The following ZNF276 variants were observed in gnomAD, a reference collection of about 807,000 sequenced individuals.
The protein encoded by ZNF276 is centromere protein Z.
A neutral mutation model predicts 63.9 loss-of-function variants in ZNF276; 59 were observed. The ratio of observed to expected loss-of-function variants is 0.92; its 90% CI spans 0.75 to 1.15. ZNF276 has a LOEUF of 1.15. Among genes scored for constraint, ZNF276 ranks in the 50% most tolerant of loss-of-function variants. The pLI is 0.00. For missense variants in ZNF276, 1,084 were observed against 843.8 expected (o/e 1.28, Z -3.53); for synonymous variants, 496 against 348.4 (o/e 1.42, Z -4.72).
At chr16:89,724,120 G>A (rs2151664605) in intron 4 of ZNF276, among the ~76,000 whole-genome samples, 1 of 152,372 alleles carries the variant, frequency 6.6e-6, no homozygotes, top group Non-Finnish European at 1.5e-5. Flanking sequence ...CTGGCACTCA[G>A]CCAGCCGCCT....
intron 1 of ZNF276, among the ~76,000 whole-genome samples, 170 bp from the exon 2 acceptor site, chr16:89,722,361 C>T (rs946263462): frequency 6.6e-6 from 1 of 152,244 alleles, no homozygotes; most frequent in Non-Finnish European, 1.5e-5. Flanking sequence ...GCGGCCACAT[C>T]CCCCACAGGG....
intron 5 of ZNF276, among the ~76,000 whole-genome samples, chr16:89,727,665 G>C (rs2061509607): frequency 6.6e-6 from 1 of 152,200 alleles, no homozygotes. Context: ...TCCCAGACCT[G>C]AGGCAGCTCC....
chr16:89,724,204 G>A (rs907209317), intron 4 of ZNF276, among the ~76,000 whole-genome samples: 2 of 152,238 alleles, frequency 1.3e-5, no homozygotes, highest in Non-Finnish European at 2.9e-5. Context: ...CAAGGCCCTT[G>A]TTTGGGCCCC....
At chr16:89,736,851 G>GCTGAGAT (rs1318044824) in intron 9 of ZNF276, among the ~76,000 whole-genome samples, 6 of 148,056 alleles carry the variant, frequency 4.1e-5, no homozygotes, top group African/African-American at 1.5e-4. Flanking sequence ...TTTCCAGTGA[G>GCTGAGAT]CTGAGATTGG....
At chr16:89,737,421 TGAGGCACAAGAATCGCTTGAGCCTGG>T in intron 9 of ZNF276, 1 of 246,518 alleles carries the variant, frequency 4.1e-6, no homozygotes, top group South Asian at 8.1e-5. Context: ...CTTGGCAGGC[TGAGGCACAAGAATCGCTTGAGCCTGG>T]GAGGCGCAGG....
chr16:89,720,643 C>T, upstream of ZNF276: 1 of 1,230,208 alleles, frequency 8.1e-7, no homozygotes, highest in Non-Finnish European at 1.0e-6. Flanking sequence ...GGCCCGGGAT[C>T]CCGGCTGGCG....
rs764817067 is a variant in ZNF276 at position 89,738,256 on chromosome 16, T to C, written c.*10T>C. ...GCCCGAACCCACCTGAGGACGGCAG[T>C]GAGGATGAGCACCTCTAGCAGCCTG... On this transcript the variant is annotated 3_prime_UTR_variant, in exon 11 of 11. Transcript: ENST00000443381. The C allele has an allele frequency of 6.3e-7, 1 of 1,589,818 alleles. No individual in the cohort carries two copies. Among genetic ancestry groups the C allele is most frequent in the Non-Finnish European group, 8.6e-7 (1 of 1,169,058 alleles).
rs1344997840 is a variant in ZNF276 at position 89,740,501 on chromosome 16, A to G, written c.*2255A>G. On this transcript the variant is annotated 3_prime_UTR_variant, in exon 11 of 11. Coordinates refer to ENST00000443381, the MANE Select transcript of ZNF276 (RefSeq NM_001113525.2). ...AATACAAAAATTAGCCGGGTGTGACAGACTCACGCCTGTAATCCCAGCTAC... is the reference window on the plus strand; with the variant it reads ...AATACAAAAATTAGCCGGGTGTGACGGACTCACGCCTGTAATCCCAGCTAC... The G allele has an allele frequency of 6.2e-6, 3 of 482,608 alleles. No individual in the cohort carries two copies. Among genetic ancestry groups the G allele is most frequent in the African/African-American group, 3.9e-5 (2 of 51,478 alleles). The allele number at this position is 482,608 out of a possible 1,614,324, so 29.9% of individuals were successfully genotyped here.
At chr16:89,729,374 G>T in intron 6 of ZNF276, 56 bp downstream of exon 6, 1 of 1,496,754 alleles carries the variant, frequency 6.7e-7, no homozygotes, top group Non-Finnish European at 9.3e-7. Flanking sequence ...CTAGACACCC[G>T]CCTGTGCTCC....
rs1470874060 is a variant in ZNF276, at chr16:89,740,249, C to A, written c.*2003C>A. 5.9e-5 allele frequency: 43 copies of A among 732,776 alleles called. No individual in the cohort carries two copies. The highest frequency in any genetic ancestry group is 9.3e-5 in the Non-Finnish European group (38 of 408,852). The allele number at this position is 732,776 out of a possible 1,614,324, so 45.4% of individuals were successfully genotyped here. A position where few individuals can be genotyped will look rare whatever the true frequency, so the allele number is the denominator to read the frequency against. On this transcript the variant is annotated 3_prime_UTR_variant, in exon 11 of 11. Transcript: ENST00000443381. ...ACAGTTTTACCTATAGAAGGTAATACTGGGCCTCTGGACAGAAGAGGCTCA... is the reference window on the plus strand; with the variant it reads ...ACAGTTTTACCTATAGAAGGTAATAATGGGCCTCTGGACAGAAGAGGCTCA...
At chr16:89,721,467 G>T (rs2061267838), upstream of ZNF276, 5 of 547,588 alleles carry the variant, frequency 9.1e-6, no homozygotes, top group African/African-American at 4.0e-5. Context: ...ACCTCGGCCG[G>T]CGGGGTCCCG....
chr16:89,740,132 G>A lies in ZNF276; in HGVS notation c.*1886G>A, dbSNP rs1172083028. 2 of 1,567,594 alleles carry A rather than the reference G, an allele frequency of 1.3e-6. No homozygotes were observed. Among genetic ancestry groups the A allele is most frequent in the East Asian group, 2.2e-5 (1 of 44,622 alleles). On this transcript the variant is annotated 3_prime_UTR_variant, in exon 11 of 11. Transcript: ENST00000443381. ...CCGCAGGAGACCAACCCTGAGAATGGCCGACCTGGTGCTCCCATGGGTAGG... is the reference window on the plus strand; with the variant it reads ...CCGCAGGAGACCAACCCTGAGAATGACCGACCTGGTGCTCCCATGGGTAGG...
At chr16:89,728,000 T>C (rs574100508) in intron 5 of ZNF276, among the ~76,000 whole-genome samples, 6 of 152,254 alleles carry the variant, frequency 3.9e-5, no homozygotes, top group South Asian at 4.1e-4. Context: ...TTGCACCGTT[T>C]CCACCCTCTC....
chr16:89,733,825 T>A (rs1274589878), intron 8 of ZNF276, 96 bp from the exon 9 acceptor site: 14 of 1,168,498 alleles, frequency 1.2e-5, no homozygotes, highest in Admixed American at 3.7e-5. Flanking sequence ...AGGAGTTGGA[T>A]CTGCCTTCCA....
chr16:89,722,806 C>A lies in ZNF276; in HGVS notation c.481C>A (p.Pro161Thr). The stretch of plus-strand genomic sequence containing the variant: ...CTTCCTGCAGAGGGTCAACGCCTCC[C>A]CGGCTGGTCGCCGGAAGCCTTGTGC... ...KSFLQRVNAS[P>T]AGRRKPCAKV... The change falls in exon 2 of 11, where the codon CCG becomes ACG. Residue 161 changes from proline (P) to threonine (T), a missense_variant. Physicochemically the swap from Pro to Thr is conservative, Grantham distance 38. Coordinates refer to ENST00000443381, the MANE Select transcript of ZNF276 (RefSeq NM_001113525.2). The A allele has an allele frequency of 6.2e-7, 1 of 1,605,306 alleles. No individual in the cohort carries two copies. The highest frequency in any genetic ancestry group is 8.5e-7 in the Non-Finnish European group (1 of 1,179,910).
chr16:89,737,593 A>T (rs1459601600), intron 9 of ZNF276: 11 of 839,224 alleles, frequency 1.3e-5, no homozygotes, highest in Admixed American at 3.1e-5. Flanking sequence ...CCATCCTGAA[A>T]TGCACACAGC....
At chr16:89,737,668 C>T (rs2061983882) in intron 9 of ZNF276, 138 bp from the exon 10 acceptor site, 5 of 1,502,956 alleles carry the variant, frequency 3.3e-6, no homozygotes, top group Non-Finnish European at 3.6e-6. Context: ...CCCTCATAGG[C>T]CCCTTGCTTG....
chr16:89,730,133 A>G (rs1034821203), intron 6 of ZNF276, among the ~76,000 whole-genome samples: 14 of 152,210 alleles, frequency 9.2e-5, no homozygotes, highest in Non-Finnish European at 2.1e-4. Flanking sequence ...AAGTTCTGAA[A>G]AGAGAAACGG....
At position 89,729,274 on chromosome 16, in the gene ZNF276, T is replaced by C; in HGVS notation, c.1125T>C (p.Asn375=). Residue 375 remains asparagine (N), a synonymous_variant, in exon 6 of 11, where the codon AAT becomes AAC. Coordinates refer to ENST00000443381, the MANE Select transcript of ZNF276 (RefSeq NM_001113525.2). Reference sequence around the variant, plus strand: ...AAGATGAAAATGACAAGAAGCAAAATGCCCAGTCTTCGGACGAGTCCTTTG... The same window carrying C: ...AAGATGAAAATGACAAGAAGCAAAACGCCCAGTCTTCGGACGAGTCCTTTG... The part of the protein sequence containing the change: ...LSEDENDKKQ[N]AQSSDESFEP... 1 of 1,614,124 alleles carries C rather than the reference T, an allele frequency of 6.2e-7. No individual in the cohort carries two copies. Among genetic ancestry groups the C allele is most frequent in the Non-Finnish European group, 8.5e-7 (1 of 1,180,018 alleles).
Sources: gnomAD v4.1 joint callset for allele counts (sites outside exome capture counted in the v4.1 genomes callset) on GRCh38, gnomAD v4.1.1 for gene constraint, MANE v1.5 for transcripts, NCBI Gene and HGNC (gene_info 2026-07-23, HGNC 2026-07-21) for gene names.